Variants in AGTPBP1 observed in about 807,000 individuals in gnomAD.
AGTPBP1 encodes cytosolic carboxypeptidase 1.
A neutral mutation model predicts 143.9 loss-of-function variants in AGTPBP1; 70 were observed. The ratio of observed to expected loss-of-function variants is 0.49; its 90% CI spans 0.40 to 0.59. The LOEUF (loss-of-function observed/expected upper bound fraction) is 0.59, where lower values mean the gene tolerates loss of function less well. Ranked by LOEUF, AGTPBP1 falls within the 20% of genes least tolerant of loss-of-function variation. The pLI is 0.00. For synonymous variants in AGTPBP1, 463 were observed against 500.2 expected, an observed-to-expected ratio of 0.93 and a Z score of 0.99; for missense variants, 1,229 against 1,464.5, an observed-to-expected ratio of 0.84 and a Z score of 2.62.
the AGTPBP1 span, among the ~76,000 whole-genome samples, chr9:85,763,570 A>C: frequency 1.3e-5 from 2 of 151,812 alleles, no homozygotes; most frequent in Non-Finnish European, 2.9e-5. Context: ...AAGTTATAAT[A>C]ATGAAAATGA....
the AGTPBP1 span, among the ~76,000 whole-genome samples, chr9:85,762,125 G>A: frequency 5.3e-5 from 8 of 152,122 alleles, no homozygotes; most frequent in Admixed American, 2.6e-4. Flanking sequence ...GAAACAACAG[G>A]TGCTGGAGAG....
At chr9:85,664,503 C>T (rs1367802180) in intron 8 of AGTPBP1, among the ~76,000 whole-genome samples, 1 of 152,014 alleles carries the variant, frequency 6.6e-6, no homozygotes, top group Non-Finnish European at 1.5e-5. Flanking sequence ...AGTACTGTGC[C>T]TCCCAAGCCT....
chr9:85,598,742 T>C (rs1829458394), intron 17 of AGTPBP1, among the ~76,000 whole-genome samples: 1 of 152,176 alleles, frequency 6.6e-6, no homozygotes, highest in South Asian at 2.1e-4. Flanking sequence ...TTTTCCAAAA[T>C]GGAGTCTTGC....
the AGTPBP1 span, among the ~76,000 whole-genome samples, chr9:85,751,763 C>T: frequency 3.8e-4 from 58 of 152,086 alleles, no homozygotes; most frequent in African/African-American, 1.0e-3. Flanking sequence ...TACAGGCACA[C>T]GCCCGGCTAA....
At chr9:85,723,751 AC>A (rs926933602) in intron 1 of AGTPBP1, among the ~76,000 whole-genome samples, 1 of 151,510 alleles carries the variant, frequency 6.6e-6, no homozygotes, top group Non-Finnish European at 1.5e-5. Flanking sequence ...TGCAGAAATC[AC>A]CCGTCTTCTC....
chr9:85,620,534 T>C (rs959681957), intron 15 of AGTPBP1, among the ~76,000 whole-genome samples: 1 of 152,096 alleles, frequency 6.6e-6, no homozygotes, highest in African/African-American at 2.4e-5. Flanking sequence ...GAGGGCTAAT[T>C]GAATTTCTCA....
intron 14 of AGTPBP1, among the ~76,000 whole-genome samples, chr9:85,628,723 T>C (rs970976280): frequency 6.6e-6 from 1 of 152,088 alleles, no homozygotes; most frequent in African/African-American, 2.4e-5. Context: ...TGTTTGTTTC[T>C]TTGTTTTTGA....
chr9:85,653,837 T>C (rs1462243128), intron 11 of AGTPBP1, among the ~76,000 whole-genome samples: 4 of 152,152 alleles, frequency 2.6e-5, no homozygotes, highest in Non-Finnish European at 5.9e-5. Context: ...TTGGTACAGA[T>C]TTTCTCCTGT....
In AGTPBP1 at chr9:85,657,658, G is replaced by A. The variant is rs41282443; in HGVS notation, c.701-15C>T. Reference sequence around the variant, plus strand: ...GGCATTTGTTTCTTTAACAAAAGAAGATTGAGAAAGAATATTTTTTAAATG... The same window carrying A: ...GGCATTTGTTTCTTTAACAAAAGAAAATTGAGAAAGAATATTTTTTAAATG... On this transcript the variant is annotated splice_polypyrimidine_tract_variant and intron_variant, in intron 9 of 25. Coordinates refer to ENST00000357081, the MANE Select transcript of AGTPBP1 (RefSeq NM_001330701.2). The A allele has an allele frequency of 0.021, 32,226 of 1,563,660 alleles. 400 individuals are homozygous for A. Among genetic ancestry groups the A allele is most frequent in the Middle Eastern group, 0.03 (177 of 5,880 alleles).
intron 24 of AGTPBP1, among the ~76,000 whole-genome samples, chr9:85,578,628 CTAA>C (rs1468034741): frequency 6.6e-6 from 1 of 152,106 alleles, no homozygotes; most frequent in African/African-American, 2.4e-5. Context: ...TTATAAATTA[CTAA>C]TGAGTAAATG....
intron 14 of AGTPBP1, among the ~76,000 whole-genome samples, chr9:85,628,992 G>C (rs1831485137): frequency 1.3e-5 from 2 of 152,168 alleles, no homozygotes; most frequent in South Asian, 4.1e-4. Flanking sequence ...TGGGATTACA[G>C]GCATGAGCCA....
intron 1 of AGTPBP1, among the ~76,000 whole-genome samples, chr9:85,723,417 C>T (rs1270012706): frequency 3.9e-5 from 6 of 152,216 alleles, no homozygotes; most frequent in African/African-American, 1.2e-4. Flanking sequence ...GCCCCTCCCC[C>T]ACCAAGCTGC....
the AGTPBP1 span, among the ~76,000 whole-genome samples, chr9:85,770,087 G>A: frequency 6.6e-6 from 1 of 150,958 alleles, no homozygotes; most frequent in Admixed American, 6.6e-5. Context: ...GTGTGTGTGT[G>A]TGTATGTGTA....
intron 14 of AGTPBP1, among the ~76,000 whole-genome samples, chr9:85,630,734 C>A (rs1831621827): frequency 6.6e-6 from 1 of 152,046 alleles, no homozygotes; most frequent in Non-Finnish European, 1.5e-5. Flanking sequence ...TCCACCTTGG[C>A]CTGACAAAGT....
chr9:85,717,542 T>C (rs1165108055), intron 1 of AGTPBP1, among the ~76,000 whole-genome samples: 1 of 152,110 alleles, frequency 6.6e-6, no homozygotes, highest in Non-Finnish European at 1.5e-5. Flanking sequence ...ATTTTTGCTA[T>C]GGTCTGAATG....
At chr9:85,765,473 A>G in the AGTPBP1 span, among the ~76,000 whole-genome samples, 2 of 152,188 alleles carry the variant, frequency 1.3e-5, no homozygotes, top group South Asian at 2.1e-4. Context: ...TTTTAAAACT[A>G]TAGTTTTAGT....
chr9:85,607,123 T>C (rs932667673), intron 17 of AGTPBP1, among the ~76,000 whole-genome samples: 4 of 152,148 alleles, frequency 2.6e-5, no homozygotes, highest in Middle Eastern at 3.4e-3. Flanking sequence ...CCTGACTTGA[T>C]TGTGACACAT....
intron 13 of AGTPBP1, among the ~76,000 whole-genome samples, chr9:85,638,482 G>T (rs1299465564): frequency 1.3e-5 from 2 of 151,836 alleles, no homozygotes; most frequent in Non-Finnish European, 2.9e-5. Flanking sequence ...ATTAAAATAA[G>T]ATTTCATAAA....
chr9:85,713,206 C>A lies in AGTPBP1; in HGVS notation c.-33-640G>T, dbSNP rs149586028. On this transcript the variant is annotated intron_variant, in intron 1 of 25. Transcript: ENST00000357081. ...ACTGTAGCAGAATTTTTTGGCATCA[C>A]CAAAAAGTAGAATAACTACTGTGAA... 3.1e-4 allele frequency among the ~76,000 whole-genome samples: 47 copies of A among 152,248 alleles called. No individual in the cohort carries two copies. The East Asian group carries it at 8.7e-3, about 28-fold the overall frequency.
Sources: gnomAD v4.1 joint callset for allele counts (sites outside exome capture counted in the v4.1 genomes callset) on GRCh38, gnomAD v4.1.1 for gene constraint, MANE v1.5 for transcripts, NCBI Gene and HGNC (gene_info 2026-07-23, HGNC 2026-07-21) for gene names.